GPR179: variants seen among roughly 807,000 people sequenced by gnomAD.
The protein encoded by GPR179 is G protein-coupled receptor 179.
In GPR179, 52 loss-of-function variants were observed where a neutral mutation model predicts 70.8. That is an observed-to-expected ratio of 0.73 (90% CI 0.59 to 0.93). The LOEUF is 0.93. GPR179 is among the 40% of genes least tolerant of loss of function. The probability of loss-of-function intolerance (pLI) is 0.00; values close to 1 mark genes in which losing one functional copy is unlikely to be tolerated. For synonymous variants in GPR179, 1,123 were observed against 1,169.0 expected (o/e 0.96, Z 0.80); for missense variants, 2,734 against 2,966.8 (o/e 0.92, Z 1.82).
Position 38,327,913 on chromosome 17 carries a change from C to T in GPR179, c.5656G>A (p.Ala1886Thr). 1.2e-6 allele frequency: 2 copies of T among 1,614,214 alleles called. No homozygotes were observed. Among genetic ancestry groups the T allele is most frequent in the Non-Finnish European group, 8.5e-7 (1 of 1,180,036 alleles). ...AAGTCTGAGATCTTGGGGGCCTGAG[C>T]AGGGGATTCCCTCAAGTCCTTGTTC... ...WENKDLRESP[A>T]QAPKISDLPS... Residue 1886 changes from alanine (A) to threonine (T), a missense_variant, in exon 11 of 11, where the codon GCT becomes ACT. Transcript: ENST00000616987.
intron 10 of GPR179, 77 bp downstream of exon 10, chr17:38,333,174 G>C: frequency 7.3e-7 from 1 of 1,371,812 alleles, no homozygotes; most frequent in South Asian, 1.3e-5. Context: ...ACATAGCCCA[G>C]GTGGCAGGGC....
chr17:38,338,859 G>A (rs528990643), intron 2 of GPR179, among the ~76,000 whole-genome samples: 31 of 152,308 alleles, frequency 2.0e-4, no homozygotes, highest in African/African-American at 6.3e-4. Context: ...ACCTGCACCC[G>A]TAGCTTTGAA....
Position 38,343,829 on chromosome 17 carries a change from G to A in GPR179, c.-40C>T. ...TCAGGACCCTGGGGTCCAGGCTCAG[G>A]AGAGCCCAGGCAGAGGCTGGCTGCA... is the stretch of plus-strand genomic sequence containing the variant. On this transcript the variant is annotated 5_prime_UTR_variant, in exon 1 of 11. Coordinates refer to ENST00000616987, the MANE Select transcript of GPR179 (RefSeq NM_001004334.4). This position sits in a 1 kb window ranked among gnomAD's most constrained non-coding sequence, Gnocchi z 4.2. 4.2e-6 allele frequency: 6 copies of A among 1,445,738 alleles called. No individual in the cohort carries two copies. The highest frequency in any genetic ancestry group is 5.5e-6 in the Non-Finnish European group (6 of 1,099,110). The allele number at this position is 1,445,738 out of a possible 1,614,324, so 89.6% of individuals were successfully genotyped here.
rs376816096 is a variant in GPR179 at position 38,326,781 on chromosome 17, C to T, written c.6788G>A (p.Arg2263Gln). 5.0e-6 allele frequency: 8 copies of T among 1,614,066 alleles called. No individual in the cohort carries two copies. In the African/African-American group the frequency reaches 5.3e-5, roughly 11 times the overall value. ...ESGLLALTATRREFFPTAPEK... is the reference protein window; with the variant it reads ...ESGLLALTATQREFFPTAPEK... The stretch of plus-strand genomic sequence containing the variant: ...AGGAGCTGTGGGGAAAAATTCTCTC[C>T]GAGTTGCTGTTAAAGCCAGGAGGCC... Residue 2263 changes from arginine (R) to glutamine (Q), a missense_variant, in exon 11 of 11, where the codon CGG (arginine) becomes CAG (glutamine). Transcript: ENST00000616987.
At chr17:38,342,151 T>A (rs550923976) in intron 1 of GPR179, among the ~76,000 whole-genome samples, 1 of 151,618 alleles carries the variant, frequency 6.6e-6, no homozygotes, top group African/African-American at 2.4e-5. Flanking sequence ...CGGGGAAGCC[T>A]CATTTTACAG....
Position 38,335,664 on chromosome 17 carries a change from A to C in GPR179, c.1333T>G (p.Cys445Gly). Residue 445 changes from cysteine to glycine, a missense_variant, in exon 6 of 11, where the codon TGC (cysteine) becomes GGC (glycine). Physicochemically the swap from Cys to Gly is radical, Grantham distance 159. Transcript: ENST00000616987. ...ILYFKPSVFR[C>G]IALRWVRLLG... ...AGCCGCACCCAGCGAAGAGCGATGC[A>C]GCGGAATACACTGGGCTTGAAGTAT... The C allele has an allele frequency of 6.2e-7, 1 of 1,614,154 alleles. No individual in the cohort carries two copies. Among genetic ancestry groups the C allele is most frequent in the South Asian group, 1.1e-5 (1 of 91,090 alleles).
In GPR179 at chr17:38,343,166, G is replaced by T. The variant is rs778125954; in HGVS notation, c.624C>A (p.Ser208Arg). Residue 208 changes from serine (S) to arginine (R), a missense_variant, in exon 1 of 11, where the codon AGC (serine) becomes AGA (arginine). By Grantham distance (110) the Ser-to-Arg change is moderately radical. Transcript: ENST00000616987. The surrounding 1 kb of genome is among the most constrained non-coding windows in gnomAD (Gnocchi z 4.2). Reference sequence around the variant, plus strand: ...CCTGCGGCCACTTGGGGCTGCCGAGGCTCCCTAGGTCATTGGTCAACACTC... The same window carrying T: ...CCTGCGGCCACTTGGGGCTGCCGAGTCTCCCTAGGTCATTGGTCAACACTC... ...KKRVLTNDLGSLGSPKWPQAD... is the reference protein window; with the variant it reads ...KKRVLTNDLGRLGSPKWPQAD... 5 of 1,614,008 alleles carry T rather than the reference G, an allele frequency of 3.1e-6. No homozygotes were observed. The African/African-American group carries it at 6.7e-5, about 22-fold the overall frequency.
chr17:38,327,498 G>C lies in GPR179; in HGVS notation c.6071C>G (p.Thr2024Ser). Residue 2024 changes from threonine (T) to serine (S), a missense_variant, in exon 11 of 11, where the codon ACT becomes AGT. By Grantham distance (58) the Thr-to-Ser change is moderately conservative (BLOSUM62 1). Coordinates refer to ENST00000616987, the MANE Select transcript of GPR179 (RefSeq NM_001004334.4). ...AKAETCPWEV[T>S]ERIPVKGVSR... ...CACCCCTTTGACAGGGATTCTTTCA[G>C]TCACTTCCCAGGGACAGGTCTCAGC... The C allele has an allele frequency of 6.2e-7, 1 of 1,614,154 alleles. No homozygotes were observed. The highest frequency in any genetic ancestry group is 8.5e-7 in the Non-Finnish European group (1 of 1,180,032).
rs2037279287 is a variant in GPR179, at chr17:38,325,686, A to C, written c.*779T>G. 1 of 152,408 alleles carries C rather than the reference A, an allele frequency of 6.6e-6. No individual in the cohort carries two copies. 9.4% of individuals were successfully genotyped at this position (152,408 alleles called of 1,614,324 possible). A position where few individuals can be genotyped will look rare whatever the true frequency, so the allele number is the denominator to read the frequency against. On this transcript the variant is annotated 3_prime_UTR_variant, in exon 11 of 11. Transcript: ENST00000616987. ...AGGCACACAAGGATGTCTGGAAGGA[A>C]GAGCTCCCTTGACTGTGGGGAGGAC...
chr17:38,343,539 C>A lies in GPR179; in HGVS notation c.251G>T (p.Gly84Val). The change falls in exon 1 of 11, where the codon GGG (glycine) becomes GTG (valine). Residue 84 changes from glycine (G) to valine (V), a missense_variant. Coordinates refer to ENST00000616987, the MANE Select transcript of GPR179 (RefSeq NM_001004334.4). The surrounding 1 kb of genome is among the most constrained non-coding windows in gnomAD (Gnocchi z 4.2). Reference sequence around the variant, plus strand: ...GGGGAGCCCTGGCATGGCTCCTGCCCCACGCGCTTCATAGCGCTCACTGCA... The same window carrying A: ...GGGGAGCCCTGGCATGGCTCCTGCCACACGCGCTTCATAGCGCTCACTGCA... ...VNCSERYEAR[G>V]AGAMPGLPPS... 1 of 1,613,796 alleles carries A rather than the reference C, an allele frequency of 6.2e-7. No homozygotes were observed. Among genetic ancestry groups the A allele is most frequent in the Non-Finnish European group, 8.5e-7 (1 of 1,180,012 alleles).
Position 38,324,759 on chromosome 17 carries a change from A to G in GPR179, c.*1706T>C, listed in dbSNP as rs982576846. 6.6e-6 allele frequency among the ~76,000 whole-genome samples: 1 copy of G among 152,188 alleles called. No individual in the cohort carries two copies. Among genetic ancestry groups the G allele is most frequent in the Admixed American group, 6.5e-5 (1 of 15,276 alleles). ...TAACTAGCCAGAGCCCAGAACAACA[A>G]CACACTTCAATTACTGCTCCAAAAG... On this transcript the variant is annotated 3_prime_UTR_variant, in exon 11 of 11. Transcript: ENST00000616987.
intron 1 of GPR179, among the ~76,000 whole-genome samples, chr17:38,342,281 A>C: frequency 6.8e-6 from 1 of 147,260 alleles, no homozygotes. Context: ...TGCCTCTTGC[A>C]CTCCCTTCTC....
At chr17:38,342,066 G>A (rs1217306657) in intron 1 of GPR179, among the ~76,000 whole-genome samples, 2 of 151,990 alleles carry the variant, frequency 1.3e-5, no homozygotes, top group Non-Finnish European at 2.9e-5. Flanking sequence ...GCCGTGAGCC[G>A]AGGTTGCACC....
Position 38,328,328 on chromosome 17 carries a change from A to C in GPR179, c.5241T>G (p.Ala1747=). 1 of 1,613,872 alleles carries C rather than the reference A, an allele frequency of 6.2e-7. No homozygotes were observed. Among genetic ancestry groups the C allele is most frequent in the Non-Finnish European group, 8.5e-7 (1 of 1,179,990 alleles). ...DLGPRERAVT[A]PEKPQKPTPE... ...GGGTTGGCTTCTGTGGCTTCTCTGG[A>C]GCAGTAACAGCTCTCTCCCTGGGTC... is the stretch of plus-strand genomic sequence containing the variant. Residue 1747 remains alanine (A), a synonymous_variant, in exon 11 of 11, where the codon GCT becomes GCG. Coordinates refer to ENST00000616987, the MANE Select transcript of GPR179 (RefSeq NM_001004334.4).
At chr17:38,332,540 C>A (rs537418385) in intron 10 of GPR179, among the ~76,000 whole-genome samples, 1 of 152,192 alleles carries the variant, frequency 6.6e-6, no homozygotes, top group South Asian at 2.1e-4. Context: ...ACTACCCAGC[C>A]CCACAGCTGG....
Position 38,330,195 on chromosome 17 carries a change from GC to G in GPR179, c.3373del (p.Ala1125HisfsTer8). 6.4e-7 allele frequency: 1 copy of G among 1,568,898 alleles called. No homozygotes were observed. The highest frequency in any genetic ancestry group is 1.2e-5 in the South Asian group (1 of 83,212). On this transcript the variant is annotated frameshift_variant, in exon 11 of 11. Transcript: ENST00000616987. LOFTEE classifies it low-confidence loss of function (END_TRUNC). ...NSGTAGESMG[A>X]PSRSPRLGRP... Reference sequence around the variant, plus strand: ...GCCTAGCCTGGGCGATCGGGAGGGTGCCCCCATACTCTCTCCCGCAGTCCCG... The same window carrying G: ...GCCTAGCCTGGGCGATCGGGAGGGTGCCCCATACTCTCTCCCGCAGTCCCG...
At position 38,330,886 on chromosome 17, in the gene GPR179, G is replaced by A. The variant is rs764324380; in HGVS notation, c.2683C>T (p.Arg895Ter). 20 of 1,601,572 alleles carry A rather than the reference G, an allele frequency of 1.2e-5. No homozygotes were observed. Among genetic ancestry groups the A allele is most frequent in the Admixed American group, 1.7e-5 (1 of 58,040 alleles). Reference sequence around the variant, plus strand: ...GGTGGAGCTGACAGGGGGGCCCCTCGAGGCCGCTCCAGCCTCCTGGCTGAT... The same window carrying A: ...GGTGGAGCTGACAGGGGGGCCCCTCAAGGCCGCTCCAGCCTCCTGGCTGAT... ...RPSARRLERP[R>*]GAPLSAPPSP... The change falls in exon 11 of 11, where the codon CGA becomes TGA. Residue 895 changes from arginine (R) to a stop codon, truncating the protein, a stop_gained. Coordinates refer to ENST00000616987, the MANE Select transcript of GPR179 (RefSeq NM_001004334.4). LOFTEE classifies it low-confidence loss of function (END_TRUNC).
Position 38,328,287 on chromosome 17 carries a change from G to C in GPR179, c.5282C>G (p.Ala1761Gly), listed in dbSNP as rs1696010218. The C allele has an allele frequency of 1.9e-6, 3 of 1,613,726 alleles. No homozygotes were observed. Among genetic ancestry groups the C allele is most frequent in the African/African-American group, 2.7e-5 (2 of 74,854 alleles). ...PQKPTPEWEV[A>G]CPWGSVGPGA... ...TGGACCCACACTCCCCCAGGGACAA[G>C]CCACCTCCCACTCTGGGGTTGGCTT... The change falls in exon 11 of 11, where the codon GCT (alanine) becomes GGT (glycine). Residue 1761 changes from alanine (A) to glycine (G), a missense_variant. Coordinates refer to ENST00000616987, the MANE Select transcript of GPR179 (RefSeq NM_001004334.4).
At position 38,335,198 on chromosome 17, in the gene GPR179, G is replaced by C; in HGVS notation, c.1480C>G (p.Leu494Val). 2 of 1,563,404 alleles carry C rather than the reference G, an allele frequency of 1.3e-6. No homozygotes were observed. The highest frequency in any genetic ancestry group is 2.3e-5 in the South Asian group (2 of 85,512). The change falls in exon 7 of 11, where the codon CTG (leucine) becomes GTG (valine). Residue 494 changes from leucine to valine, a missense_variant. Coordinates refer to ENST00000616987, the MANE Select transcript of GPR179 (RefSeq NM_001004334.4). ...AGCACAGGTAGCAGGAGCAGCCCCA[G>C]GTGCCGCAGCAGCCGCCCGCTGCTC... Reference protein sequence around the residue: ...LLSSGRLLRHLGLLLLPVLGF... With the variant: ...LLSSGRLLRHVGLLLLPVLGF...
Sources: gnomAD v4.1 joint callset for allele counts (sites outside exome capture counted in the v4.1 genomes callset) on GRCh38, gnomAD v4.1.1 for gene constraint, Gnocchi (gnomAD v3.1) non-coding constraint, MANE v1.5 for transcripts, NCBI Gene and HGNC (gene_info 2026-07-23, HGNC 2026-07-21) for gene names.